Variants in CAMTA1 observed in about 807,000 individuals in gnomAD.
CAMTA1 encodes calmodulin binding transcription activator 1.
In CAMTA1, 27 loss-of-function variants were observed where a neutral mutation model predicts 170.9. The ratio of observed to expected loss-of-function variants is 0.16; its 90% CI spans 0.12 to 0.22. The LOEUF is 0.22. Ranked by LOEUF, CAMTA1 falls within the 10% of genes least tolerant of loss-of-function variation. The pLI, the probability that CAMTA1 is intolerant of heterozygous loss-of-function variation, is 1.00. For missense variants in CAMTA1, 1,619 were observed against 2,217.2 expected (o/e 0.73, Z 5.42); for synonymous variants, 833 against 891.5 (o/e 0.93, Z 1.17).
At chr1:7,638,294 T>C (rs992216074) in intron 6 of CAMTA1, among the ~76,000 whole-genome samples, 1 of 152,130 alleles carries the variant, frequency 6.6e-6, no homozygotes, top group Non-Finnish European at 1.5e-5. Flanking sequence ...CTTTTTCCAT[T>C]GTTCCCTGCA....
At chr1:7,199,044 GTT>G in intron 4 of CAMTA1, among the ~76,000 whole-genome samples, 1 of 152,314 alleles carries the variant, frequency 6.6e-6, no homozygotes, top group South Asian at 2.1e-4. Context: ...GGGCAGAGGT[GTT>G]TGTCTTTTCC....
intron 5 of CAMTA1, among the ~76,000 whole-genome samples, chr1:7,336,958 A>G (rs554452733): frequency 6.6e-6 from 1 of 152,314 alleles, no homozygotes; most frequent in Admixed American, 6.5e-5. Flanking sequence ...CCTAGGTCCC[A>G]TCCAGGAAGA....
At chr1:7,690,300 GGA>G (rs1169856720) in intron 11 of CAMTA1, among the ~76,000 whole-genome samples, 11 of 152,244 alleles carry the variant, frequency 7.2e-5, no homozygotes, top group Non-Finnish European at 1.3e-4. Flanking sequence ...CACACTGGCA[GGA>G]GAGAGGGAGC....
At chr1:7,606,410 T>C (rs964626788) in intron 6 of CAMTA1, among the ~76,000 whole-genome samples, 7 of 152,208 alleles carry the variant, frequency 4.6e-5, no homozygotes, top group Admixed American at 6.5e-5. Flanking sequence ...ATTCTCGTGC[T>C]TTTATCTTTT....
chr1:7,529,462 C>G (rs546636668), intron 6 of CAMTA1, among the ~76,000 whole-genome samples: 1 of 152,278 alleles, frequency 6.6e-6, no homozygotes, highest in South Asian at 2.1e-4. Context: ...CCCACAGAAC[C>G]CTTCGAGGTA....
At chr1:7,179,074 G>A (rs1386419633) in intron 4 of CAMTA1, among the ~76,000 whole-genome samples, 1 of 152,198 alleles carries the variant, frequency 6.6e-6, no homozygotes, top group South Asian at 2.1e-4. Flanking sequence ...TGACCAAGGC[G>A]AAGCATCTCT....
intron 4 of CAMTA1, among the ~76,000 whole-genome samples, chr1:7,166,430 C>T (rs988342770): frequency 1.3e-5 from 2 of 152,172 alleles, no homozygotes; most frequent in Admixed American, 6.5e-5. Context: ...ATACCTTCAG[C>T]GATTATCATT....
rs1490047741 is a variant in CAMTA1 at position 7,766,433 on chromosome 1, GC to G, written c.4990-25del. On this transcript the variant is annotated intron_variant, in intron 22 of 22. Transcript: ENST00000303635. Reference sequence around the variant, plus strand: ...ACAATTCACTATAGAGTTATCGCCTGCTGTTTTGTTTTGTTTCTCTTCCAGA... The same window carrying G: ...ACAATTCACTATAGAGTTATCGCCTGTGTTTTGTTTTGTTTCTCTTCCAGA... 5 of 1,612,550 alleles carry G rather than the reference GC, an allele frequency of 3.1e-6. No individual in the cohort carries two copies. In the African/African-American group the frequency reaches 4.0e-5, roughly 13 times the overall value.
chr1:7,064,185 C>T lies in CAMTA1; in HGVS notation c.235-27119C>T, dbSNP rs962664472. ...CCTCCTCTTCCTTCTTCTTCTCCTC[C>T]TCCTCCTCTTCTTTCTCCCCTTTCC... On this transcript the variant is annotated intron_variant, in intron 3 of 22. Coordinates refer to ENST00000303635, the MANE Select transcript of CAMTA1 (RefSeq NM_015215.4). This position sits in a 1 kb window ranked among gnomAD's most constrained non-coding sequence, Gnocchi z 5.4. Among the ~76,000 whole-genome samples, 1 of 151,570 alleles carries T rather than the reference C, an allele frequency of 6.6e-6. No homozygotes were observed. Among genetic ancestry groups the T allele is most frequent in the Non-Finnish European group, 1.5e-5 (1 of 67,896 alleles).
intron 10 of CAMTA1, among the ~76,000 whole-genome samples, chr1:7,677,188 G>A (rs1343729234): frequency 6.6e-6 from 1 of 152,268 alleles, no homozygotes; most frequent in Non-Finnish European, 1.5e-5. Flanking sequence ...CAAAATAAGC[G>A]CAAATAAATC....
chr1:7,715,590 C>T (rs1036583988), intron 11 of CAMTA1, among the ~76,000 whole-genome samples: 1 of 152,140 alleles, frequency 6.6e-6, no homozygotes, highest in Non-Finnish European at 1.5e-5. Flanking sequence ...AGCCACTGTG[C>T]CAGCCACATC....
chr1:7,399,938 T>G (rs962276160), intron 5 of CAMTA1, among the ~76,000 whole-genome samples: 3 of 152,248 alleles, frequency 2.0e-5, no homozygotes, highest in African/African-American at 7.2e-5. Context: ...TTAATTATAA[T>G]GTTCCTTGGA....
chr1:7,346,628 G>A (rs556085769), intron 5 of CAMTA1, among the ~76,000 whole-genome samples: 1 of 152,180 alleles, frequency 6.6e-6, no homozygotes, highest in Non-Finnish European at 1.5e-5. Flanking sequence ...TGGAATTTGC[G>A]GGGAAGAGGG....
Position 7,325,779 on chromosome 1 carries a change from G to C in CAMTA1, c.438+76153G>C, listed in dbSNP as rs1195263174. On this transcript the variant is annotated intron_variant, in intron 5 of 22. Transcript: ENST00000303635. This position sits in a 1 kb window ranked among gnomAD's most constrained non-coding sequence, Gnocchi z 5.0. ...GCATTTGAGATGCCTCAAAAATTCA[G>C]AGGGGCCACTGGACCCCCAAGTCTG... 2.6e-5 allele frequency among the ~76,000 whole-genome samples: 4 copies of C among 152,320 alleles called. No homozygotes were observed. The East Asian group carries it at 5.8e-4, about 22-fold the overall frequency.
intron 3 of CAMTA1, among the ~76,000 whole-genome samples, chr1:6,931,277 A>C (rs777977114): frequency 1.4e-4 from 21 of 152,154 alleles, no homozygotes; most frequent in Non-Finnish European, 2.6e-4. Context: ...TTTACTTAAA[A>C]ATCTTAATTT....
chr1:7,409,790 C>A (rs1015362794), intron 5 of CAMTA1, among the ~76,000 whole-genome samples: 2 of 152,188 alleles, frequency 1.3e-5, no homozygotes, highest in African/African-American at 4.8e-5. Flanking sequence ...AGAGGGAAAC[C>A]CCCAACTCCT....
intron 3 of CAMTA1, among the ~76,000 whole-genome samples, chr1:6,858,214 T>C (rs1419219272): frequency 1.3e-5 from 2 of 152,166 alleles, no homozygotes; most frequent in Admixed American, 6.5e-5. Context: ...TGTTCAATTG[T>C]ATTTTGAATT....
At chr1:7,757,661 G>A (rs971689495) in intron 22 of CAMTA1, among the ~76,000 whole-genome samples, 3 of 152,048 alleles carry the variant, frequency 2.0e-5, no homozygotes, top group Non-Finnish European at 4.4e-5. Context: ...TGTTGAACCC[G>A]GGAGGCAGAG....
chr1:7,084,469 G>A (rs1161658810), intron 3 of CAMTA1, among the ~76,000 whole-genome samples: 5 of 152,180 alleles, frequency 3.3e-5, no homozygotes, highest in African/African-American at 9.7e-5. Flanking sequence ...AGAGAGAGCC[G>A]GGGCTGAGAA....
Sources: gnomAD v4.1 joint callset for allele counts (sites outside exome capture counted in the v4.1 genomes callset) on GRCh38, gnomAD v4.1.1 for gene constraint, Gnocchi (gnomAD v3.1) non-coding constraint, MANE v1.5 for transcripts, NCBI Gene and HGNC (gene_info 2026-07-23, HGNC 2026-07-21) for gene names.